The following PLCG2 variants were observed in gnomAD, a reference collection of about 807,000 sequenced individuals.
The protein encoded by PLCG2 is 1-phosphatidylinositol 4,5-bisphosphate phosphodiesterase gamma-2.
Under a neutral mutation model 175.6 loss-of-function variants are expected in PLCG2, and 69 were observed. The ratio of observed to expected loss-of-function variants is 0.39; its 90% CI spans 0.32 to 0.48. The LOEUF (loss-of-function observed/expected upper bound fraction) is 0.48. PLCG2 is among the 20% of genes least tolerant of loss of function. The pLI, the probability that PLCG2 is intolerant of heterozygous loss-of-function variation, is 0.91. For missense variants in PLCG2, 1,798 were observed against 1,650.9 expected (o/e 1.09, Z -1.54); for synonymous variants, 827 against 624.0 (o/e 1.33, Z -4.85).
intron 2 of PLCG2, chr16:81,767,737 T>A (rs1299149043): frequency 1.3e-5 from 2 of 152,158 alleles, no homozygotes; most frequent in African/African-American, 4.8e-5. Flanking sequence ...CCCTCCCCAA[T>A]TCCCTTATGC....
chr16:81,845,374 C>T (rs755995220), intron 2 of PLCG2, among the ~76,000 whole-genome samples: 2 of 152,182 alleles, frequency 1.3e-5, no homozygotes, highest in Non-Finnish European at 2.9e-5. Flanking sequence ...GACAAACACA[C>T]ATGTACAGTC....
At position 81,751,068 on chromosome 16, in the gene PLCG2, C is replaced by A. The variant is rs143529494; in HGVS notation, c.-144-4802C>A. Among the ~76,000 whole-genome samples, 3 of 150,352 alleles carry A rather than the reference C, an allele frequency of 2.0e-5. No homozygotes were observed. In the East Asian group the frequency reaches 5.9e-4, roughly 29 times the overall value. On this transcript the variant is annotated intron_variant, in intron 1 of 5. Coordinates refer to the PLCG2 transcript ENST00000565054. ...CAATCTTGGCTCACTACAACCTCCA[C>A]CTCCAGGGTTTAAGTGATTCTCCTG...
intron 2 of PLCG2, among the ~76,000 whole-genome samples, chr16:81,822,144 A>C (rs928732215): frequency 6.6e-6 from 1 of 151,926 alleles, no homozygotes; most frequent in Non-Finnish European, 1.5e-5. Flanking sequence ...GCTTGTTATC[A>C]ATTTCTCTTA....
intron 2 of PLCG2, among the ~76,000 whole-genome samples, chr16:81,774,160 C>T (rs113087075): frequency 0.12 from 13,948 of 116,940 alleles, 1,717 homozygotes; most frequent in African/African-American, 0.33. Context: ...GGTGAAATCC[C>T]GTCTCTACTA....
intron 5 of PLCG2, among the ~76,000 whole-genome samples, chr16:81,862,334 G>A (rs1386921227): frequency 6.6e-6 from 1 of 152,188 alleles, no homozygotes. Flanking sequence ...GTAGCAGCGG[G>A]CATTTGTTTA....
rs532681072 is a variant in PLCG2 at position 81,957,973 on chromosome 16, T to A, written c.3773T>A (p.Val1258Asp). The A allele has an allele frequency of 1.9e-6, 3 of 1,613,556 alleles. No individual in the cohort carries two copies. In the East Asian group the frequency reaches 6.7e-5, roughly 36 times the overall value. ...KCNKRLREKR[V>D]SNSKFYS Reference sequence around the variant, plus strand: ...TATTTCAGGTTAAGAGAGAAGAGAGTCAGCAACAGCAAGTTTTACTCATAG... The same window carrying A: ...TATTTCAGGTTAAGAGAGAAGAGAGACAGCAACAGCAAGTTTTACTCATAG... The change falls in exon 33 of 33, where the codon GTC (valine) becomes GAC (aspartate). Residue 1258 changes from valine (V) to aspartate (D), a missense_variant. Val to Asp is a radical substitution (Grantham distance 152, BLOSUM62 -3). Coordinates refer to ENST00000564138, the MANE Select transcript of PLCG2 (RefSeq NM_002661.5).
intron 2 of PLCG2, among the ~76,000 whole-genome samples, chr16:81,822,108 A>G (rs8047417): frequency 6.6e-6 from 1 of 151,994 alleles, no homozygotes; most frequent in Non-Finnish European, 1.5e-5. Flanking sequence ...TCCTTTTTCA[A>G]TTTTATCCTC....
chr16:81,815,109 G>A (rs1004389038), intron 2 of PLCG2, among the ~76,000 whole-genome samples: 2 of 152,220 alleles, frequency 1.3e-5, no homozygotes, highest in African/African-American at 4.8e-5. Context: ...GTTATGGAAG[G>A]AATGATAATT....
In PLCG2 at chr16:81,869,241, C is replaced by A; in HGVS notation, c.507C>A (p.Ile169=). The change falls in exon 6 of 33, where the codon ATC becomes ATA. Residue 169 remains isoleucine, a synonymous_variant. Transcript: ENST00000564138. ...NSISLRELKT[I]LPLINFKVSS... is the part of the protein sequence containing the mutation. ...TCAGTCTCCGAGAGTTGAAGACCAT[C>A]TTGCCCCTGATCAACTTTAAAGTGA... is the stretch of plus-strand genomic sequence containing the variant. The A allele has an allele frequency of 6.2e-7, 1 of 1,614,096 alleles. No individual in the cohort carries two copies. Among genetic ancestry groups the A allele is most frequent in the South Asian group, 1.1e-5 (1 of 91,088 alleles).
At chr16:81,899,640 G>C (rs1449839678) in intron 13 of PLCG2, among the ~76,000 whole-genome samples, 1 of 152,102 alleles carries the variant, frequency 6.6e-6, no homozygotes, top group Non-Finnish European at 1.5e-5. Flanking sequence ...CTGTTTTTGA[G>C]CTTTTTCTTG....
chr16:81,856,906 A>G (rs1169587211), intron 3 of PLCG2, among the ~76,000 whole-genome samples: 1 of 152,178 alleles, frequency 6.6e-6, no homozygotes, highest in Non-Finnish European at 1.5e-5. Context: ...GAGGATGGAA[A>G]CAAAGGTCAG....
chr16:81,800,257 G>C (rs1033023966), intron 2 of PLCG2, among the ~76,000 whole-genome samples: 2 of 152,158 alleles, frequency 1.3e-5, no homozygotes, highest in African/African-American at 4.8e-5. Flanking sequence ...GAATGTGTGG[G>C]ATACATAGGT....
At chr16:81,838,483 A>G (rs1597347265) in intron 2 of PLCG2, among the ~76,000 whole-genome samples, 1 of 152,190 alleles carries the variant, frequency 6.6e-6, no homozygotes, top group South Asian at 2.1e-4. Context: ...GCTGGAAGCC[A>G]TCATTCTCAG....
chr16:81,852,319 C>T (rs932420190), intron 2 of PLCG2, among the ~76,000 whole-genome samples: 3 of 152,158 alleles, frequency 2.0e-5, no homozygotes, highest in Admixed American at 6.5e-5. Context: ...GTCACTGAGC[C>T]AGGGCACTTG....
At position 81,957,630 on chromosome 16, in the gene PLCG2, T is replaced by C. The variant is rs536264849; in HGVS notation, c.3756-326T>C. Among the ~76,000 whole-genome samples the C allele has an allele frequency of 3.3e-5, 5 of 152,210 alleles. No homozygotes were observed. In the South Asian group the frequency reaches 1.0e-3, roughly 32 times the overall value. ...CCAAGTGTTTCATAATATGTCTAAA[T>C]CTTCTAAGAAAGAATCATCCAGACA... On this transcript the variant is annotated intron_variant, in intron 32 of 32. Transcript: ENST00000564138.
In PLCG2 at chr16:81,893,804, T is replaced by A; in HGVS notation, c.1072+10T>A. ...TGTCGCTGCATTGAACGTGAGTAGC[T>A]CCTTCTTGGTGGAGGTCAGGCTCGC... On this transcript the variant is annotated intron_variant, in intron 12 of 32. Coordinates refer to ENST00000564138, the MANE Select transcript of PLCG2 (RefSeq NM_002661.5). The A allele has an allele frequency of 6.3e-7, 1 of 1,580,004 alleles. No individual in the cohort carries two copies. The highest frequency in any genetic ancestry group is 1.1e-5 in the South Asian group (1 of 90,242).
chr16:81,899,289 T>TACACACACACAC (rs111338797), intron 13 of PLCG2, among the ~76,000 whole-genome samples: 17 of 92,418 alleles, frequency 1.8e-4, no homozygotes, highest in African/African-American at 6.4e-4. Context: ...TATATATATA[T>TACACACACACAC]ACACACACAC....
Position 81,936,186 on chromosome 16 carries a change from G to C in PLCG2, c.2860G>C (p.Glu954Gln). Reference protein sequence around the residue: ...KDNLENPDFREIRSFVETKAD... With the variant: ...KDNLENPDFRQIRSFVETKAD... ...GTGTGCAGAAAATCCTGACTTCCGA[G>C]AAATCCGCTCCTTTGTGGAGACGAA... Residue 954 changes from glutamate (E) to glutamine (Q), a missense_variant, in exon 27 of 33, where the codon GAA (glutamate) becomes CAA (glutamine). Physicochemically the swap from Glu to Gln is conservative, Grantham distance 29. Coordinates refer to ENST00000564138, the MANE Select transcript of PLCG2 (RefSeq NM_002661.5). 6.2e-7 allele frequency: 1 copy of C among 1,614,096 alleles called. No homozygotes were observed. Among genetic ancestry groups the C allele is most frequent in the Non-Finnish European group, 8.5e-7 (1 of 1,180,052 alleles).
chr16:81,883,206 C>G, intron 8 of PLCG2, 63 bp from the exon 9 acceptor site: 2 of 1,453,846 alleles, frequency 1.4e-6, no homozygotes, highest in African/African-American at 1.4e-5. Context: ...TGGCTGGCAT[C>G]TCCTCTCGAC....
Sources: gnomAD v4.1 joint callset for allele counts (sites outside exome capture counted in the v4.1 genomes callset) on GRCh38, gnomAD v4.1.1 for gene constraint, MANE v1.5 for transcripts, NCBI Gene and HGNC (gene_info 2026-07-23, HGNC 2026-07-21) for gene names.